The following LRP1B variants were observed in gnomAD, a reference collection of about 807,000 sequenced individuals.
LRP1B encodes the protein LDL receptor related protein 1B.
Under a neutral mutation model 556.6 loss-of-function variants are expected in LRP1B, and 217 were observed. The observed-to-expected ratio is 0.39, with a 90% CI of 0.35 to 0.44. The LOEUF (loss-of-function observed/expected upper bound fraction) is 0.44, where lower values mean the gene tolerates loss of function less well. LRP1B is among the 20% of genes least tolerant of loss of function. The pLI, the probability that LRP1B is intolerant of heterozygous loss-of-function variation, is 1.00. For missense variants in LRP1B, 5,053 were observed against 5,620.8 expected (o/e 0.90, Z 3.23); for synonymous variants, 2,047 against 1,865.8 (o/e 1.10, Z -2.50).
At chr2:141,058,703 C>A (rs574922429) in intron 9 of LRP1B, among the ~76,000 whole-genome samples, 180 bp downstream of exon 9, 1 of 151,912 alleles carries the variant, frequency 6.6e-6, no homozygotes, top group East Asian at 1.9e-4. Flanking sequence ...AGAAACTGAA[C>A]AATCTGTCAT....
At chr2:140,723,584 G>GAT (rs1183025508) in intron 35 of LRP1B, among the ~76,000 whole-genome samples, 7 of 152,178 alleles carry the variant, frequency 4.6e-5, no homozygotes, top group African/African-American at 1.7e-4. Context: ...GAATATTAGG[G>GAT]ATATGAGAAG....
rs115463319 is a variant in LRP1B at position 141,674,942 on chromosome 2, G to A, written c.205+135337C>T. On this transcript the variant is annotated intron_variant, in intron 2 of 90. Coordinates refer to ENST00000389484, the MANE Select transcript of LRP1B (RefSeq NM_018557.3). ...AATCTATGTTAGTGTCCTCAAAAACGCTGGCTACTATTAACATTTTGTTTC... is the reference window on the plus strand; with the variant it reads ...AATCTATGTTAGTGTCCTCAAAAACACTGGCTACTATTAACATTTTGTTTC... Among the ~76,000 whole-genome samples the A allele has an allele frequency of 6.9e-3, 1,047 of 152,026 alleles. 13 individuals carry two copies. The highest frequency in any genetic ancestry group is 0.024 in the African/African-American group (995 of 41,520).
At chr2:141,453,280 A>G (rs1264344386) in intron 3 of LRP1B, among the ~76,000 whole-genome samples, 1 of 152,152 alleles carries the variant, frequency 6.6e-6, no homozygotes, top group Non-Finnish European at 1.5e-5. Context: ...TGAGGATTTC[A>G]ATAAAAATAA....
intron 1 of LRP1B, among the ~76,000 whole-genome samples, chr2:141,813,626 T>C (rs1696431501): frequency 6.6e-6 from 1 of 151,762 alleles, no homozygotes; most frequent in Non-Finnish European, 1.5e-5. Flanking sequence ...GGAGGACCAC[T>C]AAAAAATTCT....
intron 41 of LRP1B, among the ~76,000 whole-genome samples, chr2:140,644,714 ATTTAATT>A (rs1463682721): frequency 1.1e-4 from 16 of 152,038 alleles, no homozygotes; most frequent in Admixed American, 1.0e-3. Flanking sequence ...TGCCCAGCCT[ATTTAATT>A]TTTAACAAAC....
At chr2:140,727,357 T>C (rs2105488951) in intron 35 of LRP1B, among the ~76,000 whole-genome samples, 1 of 152,302 alleles carries the variant, frequency 6.6e-6, no homozygotes, top group Non-Finnish European at 1.5e-5. Context: ...ATTCATGCTG[T>C]GCCTTTCTTC....
rs189861903 is a variant in LRP1B at position 142,020,712 on chromosome 2, T to G, written c.82+109936A>C. Among the ~76,000 whole-genome samples the G allele has an allele frequency of 9.6e-4, 146 of 152,204 alleles. No individual in the cohort carries two copies. In the South Asian group the frequency reaches 0.011, roughly 11 times the overall value. On this transcript the variant is annotated intron_variant, in intron 1 of 90. Coordinates refer to ENST00000389484, the MANE Select transcript of LRP1B (RefSeq NM_018557.3). ...ATGAAATAGAGTAACTAAAAAAGAC[T>G]AAATAAATAAATAAAAAAAAGCCTT...
chr2:141,607,265 A>G (rs140302886), intron 2 of LRP1B, among the ~76,000 whole-genome samples: 1 of 152,252 alleles, frequency 6.6e-6, no homozygotes, highest in African/African-American at 2.4e-5. Flanking sequence ...ACATGTTGCA[A>G]ATTACTCCTA....
intron 15 of LRP1B, among the ~76,000 whole-genome samples, chr2:140,997,038 C>A (rs1047069951): frequency 6.6e-6 from 1 of 151,940 alleles, no homozygotes; most frequent in African/African-American, 2.4e-5. Flanking sequence ...AAAACTGATA[C>A]AAAACCTGTA....
intron 6 of LRP1B, among the ~76,000 whole-genome samples, chr2:141,190,195 G>C (rs1312886565): frequency 6.6e-6 from 1 of 151,898 alleles, no homozygotes; most frequent in East Asian, 1.9e-4. Flanking sequence ...CTGTAGCTCA[G>C]GATACTATAC....
chr2:141,620,895 A>C lies in LRP1B; in HGVS notation c.206-140362T>G, dbSNP rs138274097. On this transcript the variant is annotated intron_variant, in intron 2 of 90. Coordinates refer to ENST00000389484, the MANE Select transcript of LRP1B (RefSeq NM_018557.3). ...GGGAAAGTTTCCAGACATTGGCAGA[A>C]ACCCAAACTGAATTTTCTTCCAAAA... Among the ~76,000 whole-genome samples, 277 of 152,104 alleles carry C rather than the reference A, an allele frequency of 1.8e-3. 9 individuals are homozygous for C. In the East Asian group the frequency reaches 0.041, roughly 23 times the overall value.
intron 59 of LRP1B, among the ~76,000 whole-genome samples, chr2:140,482,481 G>A (rs1311731790): frequency 6.6e-6 from 1 of 151,392 alleles, no homozygotes; most frequent in Admixed American, 6.6e-5. Flanking sequence ...CAATATTGAA[G>A]GTAAATTATT....
chr2:140,310,847 T>A (rs1271542957), intron 83 of LRP1B, among the ~76,000 whole-genome samples: 1 of 151,638 alleles, frequency 6.6e-6, no homozygotes, highest in African/African-American at 2.4e-5. Flanking sequence ...AGGCAAAAAA[T>A]TTATAACTAA....
chr2:140,925,671 T>C (rs1694863557), intron 20 of LRP1B, among the ~76,000 whole-genome samples: 4 of 152,188 alleles, frequency 2.6e-5, no homozygotes, highest in Admixed American at 2.6e-4. Flanking sequence ...GCAGCTCATA[T>C]ATTGAAACTG....
intron 3 of LRP1B, among the ~76,000 whole-genome samples, chr2:141,328,190 T>C (rs993747415): frequency 6.6e-6 from 1 of 152,198 alleles, no homozygotes; most frequent in East Asian, 1.9e-4. Context: ...TACATTCACA[T>C]ACATAGACAG....
intron 3 of LRP1B, among the ~76,000 whole-genome samples, chr2:141,279,280 A>G (rs1347449173): frequency 8.2e-6 from 1 of 122,288 alleles, no homozygotes; most frequent in African/African-American, 3.4e-5. Context: ...ATTTTGGGGA[A>G]GGAATCAAGG....
chr2:140,563,653 T>C (rs1439840785), intron 43 of LRP1B, among the ~76,000 whole-genome samples: 1 of 151,740 alleles, frequency 6.6e-6, no homozygotes, highest in Non-Finnish European at 1.5e-5. Context: ...TGATTCATCA[T>C]GCCAACATTT....
At chr2:140,767,635 TA>T (rs1408516145) in intron 35 of LRP1B, among the ~76,000 whole-genome samples, 1 of 151,440 alleles carries the variant, frequency 6.6e-6, no homozygotes, top group East Asian at 1.9e-4. Flanking sequence ...TATATTATTT[TA>T]TTTTTTTTAA....
chr2:140,574,634 A>T (rs1681449427), intron 43 of LRP1B, among the ~76,000 whole-genome samples: 1 of 152,216 alleles, frequency 6.6e-6, no homozygotes, highest in African/African-American at 2.4e-5. Flanking sequence ...ACAATTTGGC[A>T]GCTGCCAGGA....
Sources: allele counts gnomAD v4.1 joint callset (sites outside exome capture counted in the v4.1 genomes callset), GRCh38; gene constraint gnomAD v4.1.1; transcripts MANE v1.5; gene names NCBI Gene and HGNC (gene_info 2026-07-23, HGNC 2026-07-21).